The following TMEM132B variants were observed in gnomAD, a reference collection of about 807,000 sequenced individuals.
TMEM132B encodes transmembrane protein 132B.
Under a neutral mutation model 90.8 loss-of-function variants are expected in TMEM132B, and 18 were observed. That is an observed-to-expected ratio of 0.20 (90% CI 0.14 to 0.29). The LOEUF is 0.29. TMEM132B is among the 10% of genes least tolerant of loss of function. The pLI, the probability that TMEM132B is intolerant of heterozygous loss-of-function variation, is 1.00. For missense variants in TMEM132B, 1,096 were observed against 1,326.8 expected (o/e 0.83, Z 2.70); for synonymous variants, 504 against 523.3 (o/e 0.96, Z 0.50).
intron 4 of TMEM132B, among the ~76,000 whole-genome samples, chr12:125,574,506 A>T (rs78147492): frequency 0.014 from 2,170 of 152,230 alleles, 50 homozygotes; most frequent in African/African-American, 0.05. Context: ...TAGATCTAAG[A>T]TATCCCTAAG....
At chr12:125,563,543 C>T (rs981155181) in intron 4 of TMEM132B, among the ~76,000 whole-genome samples, 2 of 150,636 alleles carry the variant, frequency 1.3e-5, no homozygotes, top group African/African-American at 2.5e-5. Context: ...TCCAGCCTGG[C>T]ATCAGAGCGA....
In TMEM132B at chr12:125,445,311, A is replaced by G. The variant is rs975163235; in HGVS notation, c.1106+29634A>G. ...CTATCACTAGAGACCTTAGGCATAG[A>G]ACCCCTTGCTGCCCCAGTCTCTTCA... On this transcript the variant is annotated intron_variant, in intron 3 of 8. Coordinates refer to ENST00000682704, the MANE Select transcript of TMEM132B (RefSeq NM_001366854.1). The surrounding 1 kb of genome is among the most constrained non-coding windows in gnomAD (Gnocchi z 4.3). Among the ~76,000 whole-genome samples, 3 of 152,192 alleles carry G rather than the reference A, an allele frequency of 2.0e-5. No homozygotes were observed. Among genetic ancestry groups the G allele is most frequent in the African/African-American group, 7.2e-5 (3 of 41,434 alleles).
intron 1 of TMEM132B, among the ~76,000 whole-genome samples, chr12:125,190,977 G>A (rs1335594450): frequency 1.5e-5 from 1 of 65,548 alleles, no homozygotes; most frequent in African/African-American, 5.5e-5. Context: ...GGTGGTGATG[G>A]TGATGGTGAT....
chr12:125,299,903 A>G (rs1875776472), intron 1 of TMEM132B, among the ~76,000 whole-genome samples: 1 of 152,176 alleles, frequency 6.6e-6, no homozygotes, highest in Non-Finnish European at 1.5e-5. Flanking sequence ...GTTGTCAATC[A>G]GATTATGCCA....
At chr12:125,545,489 C>T (rs1232739653) in intron 4 of TMEM132B, among the ~76,000 whole-genome samples, 1 of 152,174 alleles carries the variant, frequency 6.6e-6, no homozygotes, top group Non-Finnish European at 1.5e-5. Context: ...CTGGTCATGG[C>T]ACCATGATAT....
chr12:125,359,664 C>T (rs746024532), intron 2 of TMEM132B, among the ~76,000 whole-genome samples: 2 of 152,122 alleles, frequency 1.3e-5, no homozygotes, highest in East Asian at 1.9e-4. Flanking sequence ...TGAACAAAAG[C>T]GAAAACTTGT....
chr12:125,511,668 T>C (rs1044271259), intron 3 of TMEM132B, among the ~76,000 whole-genome samples: 1 of 151,586 alleles, frequency 6.6e-6, no homozygotes, highest in Non-Finnish European at 1.5e-5. Flanking sequence ...CTGGCTAACA[T>C]GGTGAAACCC....
Position 125,517,343 on chromosome 12 carries a change from T to G in TMEM132B, c.1107-2096T>G, listed in dbSNP as rs1291107132. Reference sequence around the variant, plus strand: ...GCCCTGCTGATTTTTTTTTTTTTTTTTTTTTTTTTTTTTTTTTTTTTTGCA... The same window carrying G: ...GCCCTGCTGATTTTTTTTTTTTTTTGTTTTTTTTTTTTTTTTTTTTTTGCA... On this transcript the variant is annotated intron_variant, in intron 3 of 8. Transcript: ENST00000682704. Among the ~76,000 whole-genome samples the G allele has an allele frequency of 0.023, 961 of 42,202 alleles. 183 individuals carry two copies. The East Asian group carries it at 0.35, about 16-fold the overall frequency. 27.7% of individuals were successfully genotyped at this position (42,202 alleles called of 152,430 possible). A position where few individuals can be genotyped will look rare whatever the true frequency, so the allele number is the denominator to read the frequency against.
At chr12:125,436,581 G>A (rs1374249678) in intron 3 of TMEM132B, among the ~76,000 whole-genome samples, 2 of 152,126 alleles carry the variant, frequency 1.3e-5, no homozygotes, top group African/African-American at 2.4e-5. Flanking sequence ...AAGGAACTTC[G>A]AAGATTGCCA....
chr12:125,594,920 T>G (rs74502880), intron 5 of TMEM132B, among the ~76,000 whole-genome samples: 2,509 of 152,240 alleles, frequency 0.016, 64 homozygotes, highest in African/African-American at 0.056. Flanking sequence ...TTTTTCAACC[T>G]CATCAGCTCC....
chr12:125,319,365 G>A (rs1418341210), intron 1 of TMEM132B, among the ~76,000 whole-genome samples: 2 of 152,202 alleles, frequency 1.3e-5, no homozygotes, highest in African/African-American at 4.8e-5. Flanking sequence ...ACGAGAACTT[G>A]GCTTTCCAGT....
At chr12:125,635,496 A>G (rs1230530029) in intron 5 of TMEM132B, among the ~76,000 whole-genome samples, 1 of 152,176 alleles carries the variant, frequency 6.6e-6, no homozygotes, top group Non-Finnish European at 1.5e-5. Flanking sequence ...CCTTCATAGT[A>G]TTCCATGGTG....
chr12:125,644,248 A>G lies in TMEM132B; in HGVS notation c.1610A>G (p.Lys537Arg). 8 of 1,614,210 alleles carry G rather than the reference A, an allele frequency of 5.0e-6. No individual in the cohort carries two copies. Among genetic ancestry groups the G allele is most frequent in the South Asian group, 1.1e-5 (1 of 91,082 alleles). The change falls in exon 6 of 9, where the codon AAG (lysine) becomes AGG (arginine). Residue 537 changes from lysine (K) to arginine (R), a missense_variant. By Grantham distance (26) the Lys-to-Arg change is conservative (BLOSUM62 2). Transcript: ENST00000682704. ...EISDTELSQIKGWRIPVAANR... is the reference protein window; with the variant it reads ...EISDTELSQIRGWRIPVAANR... ...TCAGACACCGAGCTGAGCCAGATCA[A>G]GGGCTGGAGGATCCCGGTTGCTGCC...
At chr12:125,364,081 T>C (rs750893182) in intron 2 of TMEM132B, among the ~76,000 whole-genome samples, 2 of 152,228 alleles carry the variant, frequency 1.3e-5, no homozygotes, top group Non-Finnish European at 2.9e-5. Context: ...ATTTGTTGTA[T>C]ATAAACACAT....
At chr12:125,450,968 T>C (rs147540124) in intron 3 of TMEM132B, among the ~76,000 whole-genome samples, 1 of 152,206 alleles carries the variant, frequency 6.6e-6, no homozygotes, top group Non-Finnish European at 1.5e-5. Flanking sequence ...AGATCTATTT[T>C]TTAAAAGGCA....
intron 1 of TMEM132B, among the ~76,000 whole-genome samples, chr12:125,223,111 C>T (rs61943063): frequency 0.064 from 9,807 of 152,302 alleles, 491 homozygotes; most frequent in Middle Eastern, 0.099. Flanking sequence ...CAATGAGGAA[C>T]TCTCTCAGCT....
intron 5 of TMEM132B, among the ~76,000 whole-genome samples, chr12:125,630,117 G>C (rs188601699): frequency 6.6e-6 from 1 of 152,080 alleles, no homozygotes; most frequent in East Asian, 1.9e-4. Flanking sequence ...TGATGTCTTT[G>C]CCTGGTTTTG....
At chr12:125,337,077 G>A (rs1876987481) in intron 1 of TMEM132B, among the ~76,000 whole-genome samples, 1 of 152,172 alleles carries the variant, frequency 6.6e-6, no homozygotes, top group African/African-American at 2.4e-5. Context: ...ATCTGGCATG[G>A]CATGGAAATC....
At chr12:125,226,687 C>G (rs1873688385) in intron 1 of TMEM132B, among the ~76,000 whole-genome samples, 1 of 152,212 alleles carries the variant, frequency 6.6e-6, no homozygotes, top group African/African-American at 2.4e-5. Flanking sequence ...GGAAAGTCCA[C>G]TCTTCCTAGG....
Sources: gnomAD v4.1 joint callset for allele counts (sites outside exome capture counted in the v4.1 genomes callset) on GRCh38, gnomAD v4.1.1 for gene constraint, Gnocchi (gnomAD v3.1) non-coding constraint, MANE v1.5 for transcripts, NCBI Gene and HGNC (gene_info 2026-07-23, HGNC 2026-07-21) for gene names.